PPM1E: variants seen among roughly 807,000 people sequenced by gnomAD.
The protein encoded by PPM1E is protein phosphatase, Mg2+/Mn2+ dependent 1E, also known as protein phosphatase 1E.
A neutral mutation model predicts 65.9 loss-of-function variants in PPM1E; 20 were observed. The ratio of observed to expected loss-of-function variants is 0.30; its 90% confidence interval spans 0.21 to 0.44. PPM1E has a LOEUF of 0.44. Ranked by LOEUF, PPM1E falls within the 20% of genes least tolerant of loss-of-function variation. PPM1E has a pLI of 1.00. For synonymous variants in PPM1E, 352 were observed against 374.9 expected (o/e 0.94, Z 0.70); for missense variants, 713 against 953.1 (o/e 0.75, Z 3.32).
intron 1 of PPM1E, among the ~76,000 whole-genome samples, chr17:58,864,707 G>A (rs573616649): frequency 6.6e-6 from 1 of 151,958 alleles, no homozygotes; most frequent in African/African-American, 2.4e-5. Context: ...AGAGGCAGAG[G>A]TGGGTGGATC....
Position 58,982,851 on chromosome 17 carries a change from A to G in PPM1E, c.*1820A>G, listed in dbSNP as rs1598724330. Reference sequence around the variant, plus strand: ...TTTGCCCCACACATGGTCCTCACTCATATCTGTCACCTTCTGAAGCCTAGA... The same window carrying G: ...TTTGCCCCACACATGGTCCTCACTCGTATCTGTCACCTTCTGAAGCCTAGA... On this transcript the variant is annotated 3_prime_UTR_variant, in exon 7 of 7. Transcript: ENST00000308249. The G allele has an allele frequency of 1.3e-6, 2 of 1,506,316 alleles. No individual in the cohort carries two copies. The highest frequency in any genetic ancestry group is 1.8e-6 in the Non-Finnish European group (2 of 1,102,628). The allele number at this position is 1,506,316 out of a possible 1,614,324, so 93.3% of individuals were successfully genotyped here. A position where few individuals can be genotyped will look rare whatever the true frequency, so the allele number is the denominator to read the frequency against.
chr17:58,958,784 G>GTTAT (rs2029931222), intron 2 of PPM1E, among the ~76,000 whole-genome samples: 2 of 151,518 alleles, frequency 1.3e-5, no homozygotes, highest in South Asian at 4.1e-4. Flanking sequence ...TTATTATATA[G>GTTAT]TTATTTATTT....
intron 6 of PPM1E, among the ~76,000 whole-genome samples, chr17:58,978,552 AAT>A (rs534441065): frequency 3.3e-4 from 50 of 152,252 alleles, no homozygotes; most frequent in Admixed American, 1.2e-3. Flanking sequence ...CTCTAATAAA[AAT>A]ATAAAAATTA....
intron 1 of PPM1E, among the ~76,000 whole-genome samples, chr17:58,836,412 A>T (rs1422454219): frequency 6.6e-6 from 1 of 151,604 alleles, no homozygotes; most frequent in African/African-American, 2.4e-5. Context: ...TAATGAGCCC[A>T]GGAGTTCAAG....
chr17:58,937,896 G>GAAAT (rs2052007163), intron 1 of PPM1E, among the ~76,000 whole-genome samples: 1 of 78,382 alleles, frequency 1.3e-5, no homozygotes. Context: ...AAAAAAAAAA[G>GAAAT]AAAGAAAGAA....
chr17:58,880,201 T>G (rs1364533715), intron 1 of PPM1E, among the ~76,000 whole-genome samples: 1 of 152,214 alleles, frequency 6.6e-6, no homozygotes, highest in Non-Finnish European at 1.5e-5. Flanking sequence ...GTTTTATTCC[T>G]TTTGGTATAG....
At chr17:58,962,911 C>T (rs185406624) in intron 2 of PPM1E, among the ~76,000 whole-genome samples, 2 of 151,736 alleles carry the variant, frequency 1.3e-5, no homozygotes, top group East Asian at 1.9e-4. Context: ...GAGACCCCAT[C>T]TTAACAACAA....
rs2031378068 is a variant in PPM1E, at chr17:58,981,953, T to C, written c.*922T>C. 1 of 152,800 alleles carries C rather than the reference T, an allele frequency of 6.5e-6. No individual in the cohort carries two copies. The highest frequency in any genetic ancestry group is 1.9e-4 in the East Asian group (1 of 5,192). 9.5% of individuals were successfully genotyped at this position (152,800 alleles called of 1,614,324 possible). A position where few individuals can be genotyped will look rare whatever the true frequency, so the allele number is the denominator to read the frequency against. ...AAGCATTTCTATATTTTGTCTTTTT[T>C]TAGTTCAGACAGCAAAGGCATGTAC... On this transcript the variant is annotated 3_prime_UTR_variant, in exon 7 of 7. Coordinates refer to ENST00000308249, the MANE Select transcript of PPM1E (RefSeq NM_014906.5).
At chr17:58,856,322 C>T (rs1448794387) in intron 1 of PPM1E, among the ~76,000 whole-genome samples, 1 of 152,060 alleles carries the variant, frequency 6.6e-6, no homozygotes, top group African/African-American at 2.4e-5. Flanking sequence ...TCACTGCAGC[C>T]CCCACCTCCC....
At chr17:58,930,937 G>C (rs750847182) in intron 1 of PPM1E, among the ~76,000 whole-genome samples, 2 of 151,902 alleles carry the variant, frequency 1.3e-5, no homozygotes, top group Non-Finnish European at 2.9e-5. Context: ...CTTGAGGCCA[G>C]GTGTGGTGGC....
intron 1 of PPM1E, among the ~76,000 whole-genome samples, chr17:58,880,746 C>T (rs746847826): frequency 6.6e-6 from 1 of 152,014 alleles, no homozygotes; most frequent in African/African-American, 2.4e-5. Context: ...ACCTCAGTCT[C>T]CTGGGTAGCT....
At chr17:58,786,129 C>T (rs572876785) in intron 1 of PPM1E, among the ~76,000 whole-genome samples, 7 of 152,072 alleles carry the variant, frequency 4.6e-5, no homozygotes, top group Admixed American at 1.3e-4. Context: ...ATTCTCCTGC[C>T]TCAGCCTCCC....
intron 1 of PPM1E, among the ~76,000 whole-genome samples, chr17:58,838,152 A>G (rs532251659): frequency 6.6e-6 from 1 of 152,258 alleles, no homozygotes; most frequent in African/African-American, 2.4e-5. Context: ...TGAGTTTTAG[A>G]TACAACTCAA....
intron 1 of PPM1E, among the ~76,000 whole-genome samples, chr17:58,834,528 C>T (rs2050635312): frequency 6.6e-6 from 1 of 152,100 alleles, no homozygotes; most frequent in African/African-American, 2.4e-5. Flanking sequence ...TATAGTTCAA[C>T]ATCTGATAAA....
At chr17:58,902,955 C>A (rs1363620573) in intron 1 of PPM1E, among the ~76,000 whole-genome samples, 1 of 151,924 alleles carries the variant, frequency 6.6e-6, no homozygotes, top group African/African-American at 2.4e-5. Context: ...ATTGCCCAAC[C>A]TGGTAAAATA....
chr17:58,835,668 A>T (rs947664655), intron 1 of PPM1E, among the ~76,000 whole-genome samples: 26 of 151,978 alleles, frequency 1.7e-4, no homozygotes, highest in Non-Finnish European at 3.1e-4. Context: ...AAAAATTTTT[A>T]AAAATTAGGC....
intron 1 of PPM1E, among the ~76,000 whole-genome samples, chr17:58,937,439 T>G (rs2051997710): frequency 6.6e-6 from 1 of 150,396 alleles, no homozygotes; most frequent in Admixed American, 6.6e-5. Context: ...AATTTTTGTA[T>G]TTTTAGTAGA....
chr17:58,884,002 T>C (rs1279561011), intron 1 of PPM1E, among the ~76,000 whole-genome samples: 1 of 152,224 alleles, frequency 6.6e-6, no homozygotes, highest in Non-Finnish European at 1.5e-5. Flanking sequence ...AGAGGGCTTC[T>C]GATCTTAGAA....
chr17:58,884,909 T>A (rs1434051488), intron 1 of PPM1E, among the ~76,000 whole-genome samples: 1 of 152,182 alleles, frequency 6.6e-6, no homozygotes, highest in African/African-American at 2.4e-5. Flanking sequence ...CTGTCTTATT[T>A]TCCTAGAACT....
Sources: gnomAD v4.1 joint callset for allele counts (sites outside exome capture counted in the v4.1 genomes callset) on GRCh38, gnomAD v4.1.1 for gene constraint, MANE v1.5 for transcripts, NCBI Gene and HGNC (gene_info 2026-07-23, HGNC 2026-07-21) for gene names.